The following SLC16A2 variants were observed in gnomAD, a reference collection of about 807,000 sequenced individuals.
SLC16A2 encodes solute carrier family 16 member 2.
SLC16A2 carries 3 observed loss-of-function variants against 27.2 expected under a neutral mutation model. The observed-to-expected ratio is 0.11, with a 90% confidence interval of 0.05 to 0.28. The LOEUF (loss-of-function observed/expected upper bound fraction) is 0.28. Among genes scored for constraint, SLC16A2 ranks in the 10% least tolerant of loss-of-function variants. The pLI, the probability that SLC16A2 is intolerant of heterozygous loss-of-function variation, is 1.00. For synonymous variants in SLC16A2, 202 were observed against 187.8 expected (o/e 1.08, Z -0.62); for missense variants, 295 against 458.5 (o/e 0.64, Z 3.26).
At chrX:74,502,721 G>A (rs910907860) in intron 1 of SLC16A2, among the ~76,000 whole-genome samples, 2 of 111,872 alleles carry the variant, frequency 1.8e-5, no homozygotes, top group African/African-American at 6.5e-5. Flanking sequence ...CCAGCCAGAT[G>A]GTCCCTCTAA....
rs182844163 is a variant in SLC16A2, at chrX:74,451,445, T to C, written c.430+29378T>C. ...GACAATCTTTGAGGTTTGTTCCAGT[T>C]CTGATGTTTTTTCTCTGACTGTGTG... is the stretch of plus-strand genomic sequence containing the variant. On this transcript the variant is annotated intron_variant, in intron 1 of 5. Coordinates refer to ENST00000587091, the MANE Select transcript of SLC16A2 (RefSeq NM_006517.5). Among the ~76,000 whole-genome samples, 12 of 112,536 alleles carry C rather than the reference T, an allele frequency of 1.1e-4. No individual in the cohort carries two copies. The East Asian group carries it at 3.3e-3, about 31-fold the overall frequency.
Position 74,521,051 on chromosome X carries a change from C to T in SLC16A2, c.492C>T (p.Phe164=). The change falls in exon 2 of 6, where the codon TTC becomes TTT. Residue 164 remains phenylalanine, a synonymous_variant. Coordinates refer to ENST00000587091, the MANE Select transcript of SLC16A2 (RefSeq NM_006517.5). ...IFFCSPIVSI[F]TDRLGCRITA... is the part of the protein sequence containing the mutation. ...TCTGTTCTCCCATTGTGAGTATATT[C>T]ACTGACCGTTTGGGCTGCCGAATCA... 1.7e-6 allele frequency: 2 copies of T among 1,211,765 alleles called. No homozygotes were observed.
In SLC16A2 at chrX:74,520,667, T is replaced by C. The variant is rs5937842; in HGVS notation, c.431-323T>C. Among the ~76,000 whole-genome samples the C allele has an allele frequency of 0.52, 58,031 of 110,631 alleles. 13,388 individuals are homozygous for C. The highest frequency in any genetic ancestry group is 0.73 in the Non-Finnish European group (38,423 of 52,776). ...GTTCTTCTAATGCTGGAGACAAGCC[T>C]GACCTTAGCTCCTGAAAGCTTAACC... On this transcript the variant is annotated intron_variant, in intron 1 of 5. Coordinates refer to ENST00000587091, the MANE Select transcript of SLC16A2 (RefSeq NM_006517.5).
At chrX:74,469,436 T>G (rs995767112) in intron 1 of SLC16A2, among the ~76,000 whole-genome samples, 1 of 112,159 alleles carries the variant, frequency 8.9e-6, no homozygotes, top group African/African-American at 3.2e-5. Context: ...CATTTTACAT[T>G]CCTACAAACA....
chrX:74,527,777 G>T (rs1930507666), intron 4 of SLC16A2, among the ~76,000 whole-genome samples: 1 of 112,652 alleles, frequency 8.9e-6, no homozygotes, highest in East Asian at 2.8e-4. Context: ...GTAATACTTA[G>T]ACCTGATTAA....
intron 1 of SLC16A2, among the ~76,000 whole-genome samples, chrX:74,466,757 C>T (rs915524790): frequency 1.8e-5 from 2 of 112,027 alleles, no homozygotes; most frequent in Non-Finnish European, 3.8e-5. Flanking sequence ...TGTTACTTTC[C>T]TCACCAAAAA....
chrX:74,486,224 C>A (rs1929719387), intron 1 of SLC16A2, among the ~76,000 whole-genome samples: 1 of 112,045 alleles, frequency 8.9e-6, no homozygotes, highest in Non-Finnish European at 1.9e-5. Flanking sequence ...GGTGCGGTCA[C>A]CTTCCCCAGC....
intron 1 of SLC16A2, among the ~76,000 whole-genome samples, chrX:74,453,678 G>T (rs2147846383): frequency 9.1e-6 from 1 of 110,395 alleles, no homozygotes; most frequent in East Asian, 2.9e-4. Flanking sequence ...TGGGAGTTTT[G>T]ACCTGCTCCA....
In SLC16A2 at chrX:74,525,821, C is replaced by G. The variant is rs1474989286; in HGVS notation, c.1098C>G (p.Thr366=). ...TWVLLVCIGA[T]SGLGRLVSGH... is the part of the protein sequence containing the mutation. ...TGCTCTTGGTGTGTATTGGGGCTAC[C>G]TCAGGCCTTGGGCGTCTTGTGTCAG... The change falls in exon 4 of 6, where the codon ACC becomes ACG. Residue 366 remains threonine, a synonymous_variant. Coordinates refer to ENST00000587091, the MANE Select transcript of SLC16A2 (RefSeq NM_006517.5). 2 of 1,211,428 alleles carry G rather than the reference C, an allele frequency of 1.7e-6. No homozygotes were observed. The highest frequency in any genetic ancestry group is 2.2e-6 in the Non-Finnish European group (2 of 895,248).
chrX:74,462,176 TG>T (rs1237530018), intron 1 of SLC16A2, among the ~76,000 whole-genome samples: 1 of 112,376 alleles, frequency 8.9e-6, no homozygotes, highest in Non-Finnish European at 1.9e-5. Flanking sequence ...AGAGAACAAC[TG>T]GAATCAAGGC....
chrX:74,493,884 C>A (rs1422824278), intron 1 of SLC16A2, among the ~76,000 whole-genome samples: 1 of 111,579 alleles, frequency 9.0e-6, no homozygotes, highest in African/African-American at 3.3e-5. Context: ...TACCCCCATT[C>A]CCATCCCCCC....
At chrX:74,529,693 C>T (rs1469825208) in intron 5 of SLC16A2, among the ~76,000 whole-genome samples, 1 of 107,941 alleles carries the variant, frequency 9.3e-6, no homozygotes, top group Non-Finnish European at 1.9e-5. Flanking sequence ...TTTCAGACAG[C>T]AGGGATCCTT....
chrX:74,469,406 G>A (rs1634626), intron 1 of SLC16A2, among the ~76,000 whole-genome samples: 40,742 of 110,741 alleles, frequency 0.37, 7,850 homozygotes, highest in East Asian at 0.86. Flanking sequence ...CTGCCAAAAT[G>A]TTTTCCAAAA....
chrX:74,438,584 G>A (rs760160138), intron 1 of SLC16A2, among the ~76,000 whole-genome samples: 2 of 112,076 alleles, frequency 1.8e-5, no homozygotes, highest in African/African-American at 6.5e-5. Flanking sequence ...TCTCACACAC[G>A]TACACCCACA....
chrX:74,431,146 A>C (rs929257968), intron 1 of SLC16A2, among the ~76,000 whole-genome samples: 1 of 112,966 alleles, frequency 8.9e-6, no homozygotes, highest in East Asian at 2.8e-4. Flanking sequence ...TCATTCTACC[A>C]AAAATGACAC....
rs1258439980 is a variant in SLC16A2, at chrX:74,532,910, C to T, written c.*1357C>T. On this transcript the variant is annotated 3_prime_UTR_variant, in exon 6 of 6. Transcript: ENST00000587091. Reference sequence around the variant, plus strand: ...ATGCCTCCTTATGCCCAGGCTCTGGCAACAGTCTTACTGAAGAACATTCCC... The same window carrying T: ...ATGCCTCCTTATGCCCAGGCTCTGGTAACAGTCTTACTGAAGAACATTCCC... 2 of 112,199 alleles carry T rather than the reference C, an allele frequency of 1.8e-5. No homozygotes were observed. The highest frequency in any genetic ancestry group is 6.5e-5 in the African/African-American group (2 of 30,761). The allele number at this position is 112,199 out of a possible 1,213,427, so 9.2% of individuals were successfully genotyped here.
intron 1 of SLC16A2, among the ~76,000 whole-genome samples, chrX:74,438,595 C>A (rs1226495226): frequency 1.8e-5 from 2 of 112,496 alleles, no homozygotes; most frequent in Non-Finnish European, 3.7e-5. Flanking sequence ...TACACCCACA[C>A]AAGCAAATGT....
intron 1 of SLC16A2, among the ~76,000 whole-genome samples, chrX:74,428,953 G>A (rs185611103): frequency 2.0e-4 from 22 of 111,402 alleles, no homozygotes; most frequent in Admixed American, 1.8e-3. Flanking sequence ...GGTAGCTTCC[G>A]TGTTTCTGGT....
At chrX:74,519,498 G>T (rs1344364066) in intron 1 of SLC16A2, among the ~76,000 whole-genome samples, 12 of 102,934 alleles carry the variant, frequency 1.2e-4, no homozygotes, top group Non-Finnish European at 1.8e-4. Context: ...CGGATCACAA[G>T]GTCAGGAGAT....
Sources: gnomAD v4.1 joint callset for allele counts (sites outside exome capture counted in the v4.1 genomes callset) on GRCh38, gnomAD v4.1.1 for gene constraint, MANE v1.5 for transcripts, NCBI Gene and HGNC (gene_info 2026-07-23, HGNC 2026-07-21) for gene names.